Variants in HIVEP3 observed in about 807,000 individuals in gnomAD.
HIVEP3 encodes transcription factor HIVEP3.
In HIVEP3, 49 loss-of-function variants were observed where a neutral mutation model predicts 152.8. That is an observed-to-expected ratio of 0.32 (90% CI 0.26 to 0.41). The LOEUF is 0.41. HIVEP3 is among the 10% of genes least tolerant of loss of function. The pLI, the probability that HIVEP3 is intolerant of heterozygous loss-of-function variation, is 1.00. For synonymous variants in HIVEP3, 1,269 were observed against 1,289.0 expected, an observed-to-expected ratio of 0.98 and a Z score of 0.33; for missense variants, 2,790 against 3,103.3, an observed-to-expected ratio of 0.90 and a Z score of 2.40.
chr1:41,517,143 G>A (rs1386872811), intron 7 of HIVEP3, among the ~76,000 whole-genome samples: 1 of 152,234 alleles, frequency 6.6e-6, no homozygotes, highest in Non-Finnish European at 1.5e-5. Flanking sequence ...GGAAAATGAG[G>A]CTGGGGCAGG....
intron 2 of HIVEP3, among the ~76,000 whole-genome samples, chr1:41,694,092 G>A (rs1646236792): frequency 1.3e-5 from 2 of 151,878 alleles, no homozygotes; most frequent in Non-Finnish European, 2.9e-5. Flanking sequence ...TTTTTTTTGG[G>A]ATTTCGAGAT....
At chr1:41,680,370 A>G (rs571493679) in intron 2 of HIVEP3, among the ~76,000 whole-genome samples, 1 of 152,298 alleles carries the variant, frequency 6.6e-6, no homozygotes, top group Non-Finnish European at 1.5e-5. Flanking sequence ...GGAGTCACTC[A>G]GAGTGCTAAA....
At chr1:41,698,852 G>T (rs565517481) in intron 2 of HIVEP3, among the ~76,000 whole-genome samples, 1 of 151,910 alleles carries the variant, frequency 6.6e-6, no homozygotes, top group Non-Finnish European at 1.5e-5. Context: ...GGCTGCTCCT[G>T]CTCTCAGTGT....
intron 1 of HIVEP3, among the ~76,000 whole-genome samples, chr1:41,717,124 G>A (rs1646606758): frequency 6.6e-6 from 1 of 152,136 alleles, no homozygotes; most frequent in South Asian, 2.1e-4. Context: ...GGTACCTGGG[G>A]GAAGGTTCTG....
chr1:41,584,033 A>T lies in HIVEP3; in HGVS notation c.765T>A (p.Gly255=), dbSNP rs150031122. ...CCAGCCCATGTGGGTACATCTCGCC[A>T]CCCATGCCTGAGGCCAGGCCTGCTT... ...RIKAGLASGM[G]GEMYPHGLEM... The change falls in exon 4 of 9, where the codon GGT becomes GGA. Residue 255 remains glycine, a synonymous_variant. Coordinates refer to ENST00000372583, the MANE Select transcript of HIVEP3 (RefSeq NM_024503.5). The surrounding 1 kb of genome is among the most constrained non-coding windows in gnomAD (Gnocchi z 5.2). 1.3e-4 allele frequency: 216 copies of T among 1,613,950 alleles called. No individual in the cohort carries two copies. Among genetic ancestry groups the T allele is most frequent in the Non-Finnish European group, 1.8e-4 (211 of 1,180,006 alleles).
chr1:41,775,649 C>T (rs1648659076), intron 1 of HIVEP3, among the ~76,000 whole-genome samples: 1 of 152,052 alleles, frequency 6.6e-6, no homozygotes, highest in Non-Finnish European at 1.5e-5. Context: ...CACCACCATG[C>T]CTGGCTAATT....
At chr1:41,719,810 C>T (rs906527191) in intron 1 of HIVEP3, among the ~76,000 whole-genome samples, 2 of 152,366 alleles carry the variant, frequency 1.3e-5, no homozygotes, top group Middle Eastern at 3.4e-3. Flanking sequence ...TTAGCACCAA[C>T]ACAGGGAACC....
chr1:41,560,005 T>C (rs901824949), intron 5 of HIVEP3, among the ~76,000 whole-genome samples: 1 of 152,208 alleles, frequency 6.6e-6, no homozygotes. Context: ...TCAGAGATTC[T>C]AGATTTTCAT....
intron 1 of HIVEP3, among the ~76,000 whole-genome samples, chr1:41,915,596 T>A (rs940642231): frequency 2.0e-5 from 3 of 152,248 alleles, no homozygotes; most frequent in African/African-American, 7.2e-5. Flanking sequence ...CATGGACTTA[T>A]GACCTTTCTC....
chr1:41,858,992 G>T (rs1643846019), intron 1 of HIVEP3, among the ~76,000 whole-genome samples: 1 of 152,230 alleles, frequency 6.6e-6, no homozygotes, highest in Non-Finnish European at 1.5e-5. Context: ...GCTCAGGCTG[G>T]AGAGTCCTGA....
chr1:41,998,239 CA>C (rs1645406619), intron 1 of HIVEP3, among the ~76,000 whole-genome samples: 1 of 152,044 alleles, frequency 6.6e-6, no homozygotes, highest in Non-Finnish European at 1.5e-5. Context: ...TAGTTCATGT[CA>C]AAAAAGTTCA....
At chr1:41,650,825 T>TC (rs1645537635) in intron 2 of HIVEP3, among the ~76,000 whole-genome samples, 1 of 152,204 alleles carries the variant, frequency 6.6e-6, no homozygotes, top group Non-Finnish European at 1.5e-5. Context: ...CTGAATATCC[T>TC]CCCACGTTAA....
chr1:42,024,589 T>C (rs1327921230), intron 1 of HIVEP3, among the ~76,000 whole-genome samples: 1 of 152,246 alleles, frequency 6.6e-6, no homozygotes, highest in East Asian at 1.9e-4. Flanking sequence ...GCTATTGTTG[T>C]CTTTCATTTC....
chr1:41,517,206 C>A (rs773355106), intron 7 of HIVEP3, among the ~76,000 whole-genome samples: 1 of 152,200 alleles, frequency 6.6e-6, no homozygotes, highest in African/African-American at 2.4e-5. Flanking sequence ...CCTGGTCCAG[C>A]CCACCAGGCA....
chr1:41,745,349 C>A (rs1341921625), intron 1 of HIVEP3, among the ~76,000 whole-genome samples: 9 of 152,198 alleles, frequency 5.9e-5, no homozygotes, highest in Non-Finnish European at 1.2e-4. Flanking sequence ...CCAAAGCAGT[C>A]CCCATAAGCC....
At chr1:41,900,083 C>A (rs1026449023) in intron 1 of HIVEP3, among the ~76,000 whole-genome samples, 2 of 152,166 alleles carry the variant, frequency 1.3e-5, no homozygotes, top group Non-Finnish European at 2.9e-5. Context: ...ATATATATAT[C>A]TCAGAAAGCC....
intron 2 of HIVEP3, among the ~76,000 whole-genome samples, chr1:41,656,474 C>T (rs1283071201): frequency 6.6e-6 from 1 of 152,228 alleles, no homozygotes; most frequent in Non-Finnish European, 1.5e-5. Context: ...AACCATCTCC[C>T]CATGCCCGCC....
intron 5 of HIVEP3, among the ~76,000 whole-genome samples, chr1:41,526,499 A>G (rs572050933): frequency 1.4e-5 from 1 of 71,422 alleles, no homozygotes; most frequent in Admixed American, 1.6e-4. Flanking sequence ...TTCACACTCC[A>G]CACCCCTGCC....
In HIVEP3 at chr1:41,524,796, G is replaced by A. The variant is rs1437891257; in HGVS notation, c.5322C>T (p.Arg1774=). The A allele has an allele frequency of 6.2e-7, 1 of 1,614,190 alleles. No homozygotes were observed. Among genetic ancestry groups the A allele is most frequent in the South Asian group, 1.1e-5 (1 of 91,086 alleles). ...CATAGGGCCGGACGTCAGTGTGGGT[G>A]CGGATGTGTTTCTTCAGCATGCTGG... ...KKPSMLKKHI[R]THTDVRPYVC... is the part of the protein sequence containing the mutation. Residue 1774 remains arginine, a synonymous_variant, in exon 6 of 9, where the codon CGC becomes CGT. Coordinates refer to ENST00000372583, the MANE Select transcript of HIVEP3 (RefSeq NM_024503.5).
Sources: gnomAD v4.1 joint callset for allele counts (sites outside exome capture counted in the v4.1 genomes callset) on GRCh38, gnomAD v4.1.1 for gene constraint, Gnocchi (gnomAD v3.1) non-coding constraint, MANE v1.5 for transcripts, NCBI Gene and HGNC (gene_info 2026-07-23, HGNC 2026-07-21) for gene names.